UNC80: variants seen among roughly 807,000 people sequenced by gnomAD.
UNC80 encodes the protein unc-80 subunit of NALCN channel complex.
UNC80 carries 164 observed loss-of-function variants against 384.6 expected under a neutral mutation model. That is an observed-to-expected ratio of 0.43 (90% CI 0.38 to 0.49). The LOEUF is 0.49. Ranked by LOEUF, UNC80 falls within the 20% of genes least tolerant of loss-of-function variation. The probability of loss-of-function intolerance (pLI) is 0.00; values close to 1 mark genes in which losing one functional copy is unlikely to be tolerated. For missense variants in UNC80, 3,330 were observed against 4,143.0 expected (o/e 0.80, Z 5.39); for synonymous variants, 1,486 against 1,527.8 (o/e 0.97, Z 0.64).
Position 209,870,276 on chromosome 2 carries a change from A to G in UNC80, c.3628-2482A>G, listed in dbSNP as rs191275723. 5.9e-5 allele frequency among the ~76,000 whole-genome samples: 9 copies of G among 152,344 alleles called. No individual in the cohort carries two copies. In the East Asian group the frequency reaches 1.7e-3, roughly 29 times the overall value. Reference sequence around the variant, plus strand: ...TGTGACAGGCTAAGAATAAATTTGCATCACTTGCCTGACCTCTAAACTGAC... The same window carrying G: ...TGTGACAGGCTAAGAATAAATTTGCGTCACTTGCCTGACCTCTAAACTGAC... On this transcript the variant is annotated intron_variant, in intron 22 of 64. Coordinates refer to ENST00000673920, the MANE Select transcript of UNC80 (RefSeq NM_001371986.1).
intron 23 of UNC80, among the ~76,000 whole-genome samples, chr2:209,874,204 A>G (rs1312012592): frequency 6.6e-6 from 1 of 152,182 alleles, no homozygotes; most frequent in Non-Finnish European, 1.5e-5. Flanking sequence ...TTTTAACCTT[A>G]TGAAGGTTTA....
chr2:209,922,459 C>G, intron 35 of UNC80, 76 bp downstream of exon 35: 1 of 1,397,616 alleles, frequency 7.2e-7, no homozygotes, highest in Non-Finnish European at 9.6e-7. Context: ...ATCATGATCT[C>G]ACTTGATTAC....
intron 35 of UNC80, among the ~76,000 whole-genome samples, chr2:209,925,737 T>G (rs1368799875): frequency 6.6e-6 from 1 of 152,168 alleles, no homozygotes; most frequent in Non-Finnish European, 1.5e-5. Flanking sequence ...CACAGAGCCC[T>G]GATTGGTGCA....
At chr2:209,913,220 A>T (rs2089154026) in intron 30 of UNC80, among the ~76,000 whole-genome samples, 3 of 152,202 alleles carry the variant, frequency 2.0e-5, no homozygotes, top group South Asian at 4.1e-4. Flanking sequence ...CCCCCCCAAA[A>T]AAATTGTTCA....
chr2:209,831,715 C>G (rs1317430306), intron 16 of UNC80, 124 bp downstream of exon 16: 14 of 1,127,380 alleles, frequency 1.2e-5, no homozygotes, highest in Non-Finnish European at 1.3e-5. Context: ...GTTTAAATAT[C>G]TATTTTCCCC....
intron 21 of UNC80, among the ~76,000 whole-genome samples, chr2:209,846,372 T>C (rs1449781942): frequency 6.6e-6 from 1 of 152,162 alleles, no homozygotes; most frequent in East Asian, 1.9e-4. Flanking sequence ...TCATGTTGTC[T>C]CTATTTGAGG....
chr2:209,824,547 CAGG>C (rs891576156), intron 13 of UNC80, among the ~76,000 whole-genome samples: 1 of 152,050 alleles, frequency 6.6e-6, no homozygotes. Flanking sequence ...AGACTGCCTC[CAGG>C]AGGAGAGTAT....
rs755558668 is a variant in UNC80 at position 209,997,169 on chromosome 2, A to C, written c.*1574A>C. On this transcript the variant is annotated 3_prime_UTR_variant, in exon 65 of 65. Transcript: ENST00000673920. ...GGTTATGGTCCTATTCACTAAGAGA[A>C]TGAAAGATATCCATGAGTTAAAAGA... 3 of 152,198 alleles carry C rather than the reference A, an allele frequency of 2.0e-5. No individual in the cohort carries two copies. Among genetic ancestry groups the C allele is most frequent in the Non-Finnish European group, 2.9e-5 (2 of 68,010 alleles). 9.4% of individuals were successfully genotyped at this position (152,198 alleles called of 1,614,324 possible). A position where few individuals can be genotyped will look rare whatever the true frequency, so the allele number is the denominator to read the frequency against.
At chr2:209,917,372 T>A (rs548468567) in intron 31 of UNC80, among the ~76,000 whole-genome samples, 11 of 152,368 alleles carry the variant, frequency 7.2e-5, no homozygotes, top group Admixed American at 1.3e-4. Flanking sequence ...GTGGAATTTT[T>A]AAAGTGTAGC....
At chr2:209,801,787 G>C (rs894469748) in intron 7 of UNC80, among the ~76,000 whole-genome samples, 4 of 151,330 alleles carry the variant, frequency 2.6e-5, no homozygotes, top group African/African-American at 9.7e-5. Flanking sequence ...GGCTACATGG[G>C]TGCATTGTTT....
chr2:209,841,402 C>A (rs2081736789), intron 20 of UNC80, among the ~76,000 whole-genome samples: 1 of 152,116 alleles, frequency 6.6e-6, no homozygotes, highest in Admixed American at 6.6e-5. Flanking sequence ...TGTGGCCAGG[C>A]TGGAGTGCAG....
At chr2:209,799,699 G>A (rs2078413070) in intron 7 of UNC80, among the ~76,000 whole-genome samples, 1 of 152,110 alleles carries the variant, frequency 6.6e-6, no homozygotes, top group Admixed American at 6.5e-5. Flanking sequence ...TAGGATATTG[G>A]CTATGGTTTG....
chr2:209,786,062 C>T lies in UNC80; in HGVS notation c.601-4C>T. On this transcript the variant is annotated splice_polypyrimidine_tract_variant and splice_region_variant and intron_variant, in intron 4 of 64. Transcript: ENST00000673920. ...TTGGACATATATCTTCTCCTCCCCC[C>T]TAGGAATCTGACCTCACCTTCCGTC... 4 of 1,612,792 alleles carry T rather than the reference C, an allele frequency of 2.5e-6. No individual in the cohort carries two copies. The highest frequency in any genetic ancestry group is 3.4e-6 in the Non-Finnish European group (4 of 1,179,306).
At position 209,921,645 on chromosome 2, in the gene UNC80, A is replaced by T; in HGVS notation, c.5489A>T (p.Tyr1830Phe). ...ATCCCCATCACCCAGGAGGCTTGCT[A>T]TGAGCCCACATGCACGCCCAACTCA... ...TAIPITQEAC[Y>F]EPTCTPNSEP... Residue 1830 changes from tyrosine (Y) to phenylalanine (F), a missense_variant, in exon 34 of 65, where the codon TAT becomes TTT. Physicochemically the swap from Tyr to Phe is conservative, Grantham distance 22 (BLOSUM62 3). Around this residue, in one of 8 missense-constraint regions of UNC80, gnomAD observed 1,049 missense variants for 1,488.6 expected, o/e 0.70. Transcript: ENST00000673920. 6 of 1,551,598 alleles carry T rather than the reference A, an allele frequency of 3.9e-6. No individual in the cohort carries two copies. Among genetic ancestry groups the T allele is most frequent in the Non-Finnish European group, 5.2e-6 (6 of 1,146,942 alleles).
chr2:209,885,903 T>G lies in UNC80; in HGVS notation c.4111-2192T>G, dbSNP rs545568637. On this transcript the variant is annotated intron_variant, in intron 25 of 64. Transcript: ENST00000673920. ...CCTCAACCTCCTGCATAGCTGGGAC[T>G]ACAGGCACCTGCCATCACGCCCACC... Among the ~76,000 whole-genome samples the G allele has an allele frequency of 3.3e-5, 5 of 152,124 alleles. No individual in the cohort carries two copies. The East Asian group carries it at 9.7e-4, about 29-fold the overall frequency.
At chr2:209,859,256 A>G (rs1188350030) in intron 22 of UNC80, among the ~76,000 whole-genome samples, 2 of 152,120 alleles carry the variant, frequency 1.3e-5, no homozygotes, top group African/African-American at 2.4e-5. Flanking sequence ...CTCATTGTTC[A>G]ACTCCCACTT....
At position 209,997,509 on chromosome 2, in the gene UNC80, GA is replaced by G. The variant is rs754449011; in HGVS notation, c.*1917del. On this transcript the variant is annotated 3_prime_UTR_variant, in exon 65 of 65. Transcript: ENST00000673920. ...TCAAATTATCTATGTATAATTGTAT[GA>G]AATATTTAAATAGCAAAGAAGTCAA... is the stretch of plus-strand genomic sequence containing the variant. The G allele has an allele frequency of 6.6e-6, 1 of 152,144 alleles. No homozygotes were observed. 9.4% of individuals were successfully genotyped at this position (152,144 alleles called of 1,614,324 possible).
intron 27 of UNC80, among the ~76,000 whole-genome samples, chr2:209,895,974 T>G (rs2086761750): frequency 6.6e-6 from 1 of 152,142 alleles, no homozygotes; most frequent in South Asian, 2.1e-4. Flanking sequence ...ACCTGCAAGG[T>G]CTGGTCAGTC....
intron 28 of UNC80, among the ~76,000 whole-genome samples, chr2:209,902,983 G>T (rs1436599086): frequency 6.8e-6 from 1 of 147,840 alleles, no homozygotes; most frequent in Non-Finnish European, 1.5e-5. Context: ...TGGTTCCAGG[G>T]CCTCCCATGA....
Sources: allele counts gnomAD v4.1 joint callset (sites outside exome capture counted in the v4.1 genomes callset), GRCh38; gene constraint gnomAD v4.1.1; regional missense constraint gnomAD v4.1.1; transcripts MANE v1.5; gene names NCBI Gene and HGNC (gene_info 2026-07-23, HGNC 2026-07-21).